COBL: variants seen among roughly 807,000 people sequenced by gnomAD.
COBL encodes protein cordon-bleu.
In COBL, 51 loss-of-function variants were observed where a neutral mutation model predicts 98.8. The ratio of observed to expected loss-of-function variants is 0.52; its 90% CI spans 0.41 to 0.65. The LOEUF (loss-of-function observed/expected upper bound fraction) is 0.65. Among genes scored for constraint, COBL ranks in the 30% least tolerant of loss-of-function variants. The pLI is 0.00. For synonymous variants in COBL, 634 were observed against 651.7 expected, an observed-to-expected ratio of 0.97 and a Z score of 0.41; for missense variants, 1,617 against 1,617.5, an observed-to-expected ratio of 1.00 and a Z score of 0.01.
At chr7:51,071,832 C>G (rs1792582351) in intron 7 of COBL, 1 of 151,824 alleles carries the variant, frequency 6.6e-6, no homozygotes, top group Admixed American at 6.6e-5. Flanking sequence ...TAAACATTAC[C>G]TTTTCTTGTT....
chr7:51,174,595 C>T (rs1166825599), intron 5 of COBL, among the ~76,000 whole-genome samples: 2 of 152,128 alleles, frequency 1.3e-5, no homozygotes, highest in African/African-American at 2.4e-5. Flanking sequence ...GCTATGTGGG[C>T]TCCAGTCTAA....
At chr7:51,087,762 C>T (rs948850407) in intron 6 of COBL, among the ~76,000 whole-genome samples, 3 of 146,590 alleles carry the variant, frequency 2.0e-5, no homozygotes, top group Non-Finnish European at 3.0e-5. Context: ...GTATGAGCCA[C>T]TGTGCCCGGC....
At chr7:51,062,543 T>A (rs1447291757) in intron 7 of COBL, among the ~76,000 whole-genome samples, 1 of 152,206 alleles carries the variant, frequency 6.6e-6, no homozygotes, top group Non-Finnish European at 1.5e-5. Flanking sequence ...CCACTCCAAG[T>A]GTCTCAACTA....
chr7:51,154,367 A>T (rs932944023), intron 5 of COBL, among the ~76,000 whole-genome samples: 1 of 152,202 alleles, frequency 6.6e-6, no homozygotes, highest in African/African-American at 2.4e-5. Context: ...CGGAGGGCCA[A>T]GGCACAAAGG....
chr7:51,128,096 G>A (rs557635015), intron 6 of COBL, among the ~76,000 whole-genome samples: 18 of 152,170 alleles, frequency 1.2e-4, no homozygotes, highest in Non-Finnish European at 2.2e-4. Flanking sequence ...CACCTTGATG[G>A]CGACACCTTC....
intron 5 of COBL, among the ~76,000 whole-genome samples, chr7:51,164,194 C>G (rs1787080242): frequency 1.3e-5 from 2 of 151,932 alleles, no homozygotes; most frequent in South Asian, 2.1e-4. Context: ...TCTCTGAGGT[C>G]AAATTTATCA....
intron 5 of COBL, among the ~76,000 whole-genome samples, chr7:51,139,877 C>G (rs373484570): frequency 1.3e-5 from 2 of 152,140 alleles, no homozygotes; most frequent in African/African-American, 2.4e-5. Context: ...CTTGGCCCCC[C>G]CTATTATCCC....
At chr7:51,110,565 T>C (rs1007155958) in intron 6 of COBL, among the ~76,000 whole-genome samples, 23 of 152,236 alleles carry the variant, frequency 1.5e-4, no homozygotes, top group African/African-American at 5.3e-4. Context: ...CAATAAGTTA[T>C]CGGGGTACAG....
At chr7:51,078,799 C>T (rs1793337698) in intron 7 of COBL, among the ~76,000 whole-genome samples, 1 of 152,182 alleles carries the variant, frequency 6.6e-6, no homozygotes, top group Non-Finnish European at 1.5e-5. Context: ...TGGCTGTTGG[C>T]AGGTTTCTAG....
At chr7:51,264,148 C>T (rs1043845120) in intron 1 of COBL, among the ~76,000 whole-genome samples, 6 of 152,148 alleles carry the variant, frequency 3.9e-5, no homozygotes, top group Non-Finnish European at 7.4e-5. Flanking sequence ...TCGCAGCCCC[C>T]AAGCCTCAGA....
intron 6 of COBL, among the ~76,000 whole-genome samples, chr7:51,120,044 T>C (rs1797612765): frequency 6.6e-6 from 1 of 152,206 alleles, no homozygotes; most frequent in Admixed American, 6.5e-5. Flanking sequence ...ATATGCTACA[T>C]GCTTTCAGAT....
At chr7:51,295,593 C>A (rs1801351881) in intron 1 of COBL, among the ~76,000 whole-genome samples, 1 of 152,146 alleles carries the variant, frequency 6.6e-6, no homozygotes, top group Non-Finnish European at 1.5e-5. Flanking sequence ...CCCAGCAAAG[C>A]AAACACGACA....
intron 5 of COBL, among the ~76,000 whole-genome samples, chr7:51,167,446 T>C (rs926081396): frequency 6.6e-6 from 1 of 152,008 alleles, no homozygotes; most frequent in Non-Finnish European, 1.5e-5. Context: ...TTAAAGAGGA[T>C]ACCAAAAAAT....
Position 51,051,692 on chromosome 7 carries a change from G to A in COBL, c.1097-8000C>T, listed in dbSNP as rs925443383. Among the ~76,000 whole-genome samples the A allele has an allele frequency of 1.5e-4, 23 of 152,308 alleles. 1 individual carries two copies. The highest frequency in any genetic ancestry group is 2.9e-4 in the Non-Finnish European group (20 of 68,032). On this transcript the variant is annotated intron_variant, in intron 7 of 12. Coordinates refer to ENST00000265136, the MANE Select transcript of COBL (RefSeq NM_015198.5). ...CTGTTTCCTTACTATGGATCAGAAAGCCTATCAACAACAGTCATGGGTGCG... is the reference window on the plus strand; with the variant it reads ...CTGTTTCCTTACTATGGATCAGAAAACCTATCAACAACAGTCATGGGTGCG...
At chr7:51,191,173 G>T (rs1311817902) in intron 3 of COBL, 95 bp from the exon 4 acceptor site, 27 of 1,050,870 alleles carry the variant, frequency 2.6e-5, no homozygotes, top group Non-Finnish European at 3.7e-5. Context: ...TGGCAGGATT[G>T]TGTGTAGCCT....
At chr7:51,060,740 G>T (rs1182454475) in intron 7 of COBL, among the ~76,000 whole-genome samples, 1 of 152,144 alleles carries the variant, frequency 6.6e-6, no homozygotes, top group Non-Finnish European at 1.5e-5. Context: ...TAGGTCCAGA[G>T]AAACAAATTA....
chr7:51,274,160 C>T (rs1318098142), intron 1 of COBL, among the ~76,000 whole-genome samples: 2 of 152,198 alleles, frequency 1.3e-5, no homozygotes, highest in African/African-American at 2.4e-5. Context: ...ATCGCATGGG[C>T]CGCCTCCCGC....
intron 7 of COBL, among the ~76,000 whole-genome samples, chr7:51,064,245 C>T (rs1165447464): frequency 6.6e-6 from 1 of 151,736 alleles, no homozygotes; most frequent in Admixed American, 6.6e-5. Context: ...TGACACAACC[C>T]CTATAGGTGC....
intron 7 of COBL, among the ~76,000 whole-genome samples, chr7:51,049,722 G>A (rs1315484206): frequency 2.0e-5 from 3 of 152,206 alleles, no homozygotes; most frequent in Non-Finnish European, 4.4e-5. Context: ...GGAAAAAGCA[G>A]AGAAATGCCA....
Sources: gnomAD v4.1 joint callset for allele counts (sites outside exome capture counted in the v4.1 genomes callset) on GRCh38, gnomAD v4.1.1 for gene constraint, MANE v1.5 for transcripts, NCBI Gene and HGNC (gene_info 2026-07-23, HGNC 2026-07-21) for gene names.